Variants in IGF1R observed in about 807,000 individuals in gnomAD.
IGF1R encodes insulin-like growth factor 1 receptor.
A neutral mutation model predicts 144.6 loss-of-function variants in IGF1R; 44 were observed. That is an observed-to-expected ratio of 0.30 (90% CI 0.24 to 0.39). IGF1R has a LOEUF of 0.39. Among genes scored for constraint, IGF1R ranks in the 10% least tolerant of loss-of-function variants. IGF1R has a pLI of 1.00. For missense variants in IGF1R, 1,355 were observed against 1,833.7 expected, an observed-to-expected ratio of 0.74 and a Z score of 4.77; for synonymous variants, 795 against 722.8, an observed-to-expected ratio of 1.10 and a Z score of -1.60.
At chr15:98,922,657 C>T (rs12442093) in intron 11 of IGF1R, among the ~76,000 whole-genome samples, 21,498 of 152,286 alleles carry the variant, frequency 0.14, 1,774 homozygotes, top group Non-Finnish European at 0.19. Context: ...CTCCATAGAA[C>T]GTGCTGGGAG....
chr15:98,711,842 T>G (rs1332062858), intron 2 of IGF1R, among the ~76,000 whole-genome samples: 1 of 152,108 alleles, frequency 6.6e-6, no homozygotes, highest in East Asian at 1.9e-4. Flanking sequence ...CTGCTCACAG[T>G]TCTGGAGGCT....
At chr15:98,747,363 A>G (rs1171561579) in intron 2 of IGF1R, among the ~76,000 whole-genome samples, 5 of 151,768 alleles carry the variant, frequency 3.3e-5, no homozygotes, top group African/African-American at 1.2e-4. Context: ...CACCCAGCTA[A>G]TTTTCTGTAT....
chr15:98,773,825 T>C (rs544807819), intron 2 of IGF1R, among the ~76,000 whole-genome samples: 2 of 152,194 alleles, frequency 1.3e-5, no homozygotes, highest in South Asian at 4.1e-4. Context: ...CCAGTAGGTG[T>C]CTGACGACAT....
chr15:98,840,550 T>C (rs932753401), intron 2 of IGF1R, among the ~76,000 whole-genome samples: 2 of 152,146 alleles, frequency 1.3e-5, no homozygotes, highest in African/African-American at 4.8e-5. Context: ...CCTGGGTTCA[T>C]GCAGTCCTCC....
chr15:98,923,021 CAG>C (rs1012680320), intron 11 of IGF1R, among the ~76,000 whole-genome samples: 7 of 152,156 alleles, frequency 4.6e-5, no homozygotes, highest in African/African-American at 1.7e-4. Context: ...CGGAGGTGAC[CAG>C]AGTCTGGGGT....
intron 2 of IGF1R, among the ~76,000 whole-genome samples, chr15:98,887,527 G>A (rs1026637156): frequency 6.6e-6 from 1 of 152,162 alleles, no homozygotes; most frequent in Non-Finnish European, 1.5e-5. Flanking sequence ...GATTCTGCAA[G>A]TAGATGTTGG....
At chr15:98,709,296 A>G (rs758236800) in intron 2 of IGF1R, among the ~76,000 whole-genome samples, 5 of 152,242 alleles carry the variant, frequency 3.3e-5, no homozygotes, top group Non-Finnish European at 5.9e-5. Flanking sequence ...TTCCCGTTCA[A>G]CCAGTCCTGA....
chr15:98,718,564 C>T (rs2054175372), intron 2 of IGF1R, among the ~76,000 whole-genome samples: 1 of 152,184 alleles, frequency 6.6e-6, no homozygotes, highest in Non-Finnish European at 1.5e-5. Context: ...GCTGCTTGTG[C>T]CCATGGGGCC....
chr15:98,915,826 C>T, intron 8 of IGF1R, 138 bp from the exon 9 acceptor site: 1 of 810,282 alleles, frequency 1.2e-6, no homozygotes, highest in Non-Finnish European at 2.2e-6. Context: ...GTTCACTTTT[C>T]ACTTTGTATT....
intron 18 of IGF1R, among the ~76,000 whole-genome samples, chr15:98,942,301 T>C (rs578105548): frequency 3.0e-4 from 46 of 152,268 alleles, no homozygotes; most frequent in African/African-American, 1.1e-3. Flanking sequence ...TTTTCTTAAA[T>C]TGTGGGACTC....
At chr15:98,787,776 A>T (rs965251039) in intron 2 of IGF1R, among the ~76,000 whole-genome samples, 2 of 152,196 alleles carry the variant, frequency 1.3e-5, no homozygotes, top group African/African-American at 4.8e-5. Context: ...TCCTCAACTC[A>T]GAAGGAAAGA....
At position 98,962,284 on chromosome 15, in the gene IGF1R, C is replaced by T. The variant is rs1045847385; in HGVS notation, c.*4842C>T. 1.7e-5 allele frequency: 4 copies of T among 233,332 alleles called. No homozygotes were observed. Among genetic ancestry groups the T allele is most frequent in the African/African-American group, 6.6e-5 (3 of 45,370 alleles). The allele number at this position is 233,332 out of a possible 1,614,324, so 14.5% of individuals were successfully genotyped here. A position where few individuals can be genotyped will look rare whatever the true frequency, so the allele number is the denominator to read the frequency against. ...CGTGGTATGCCTTGGCCCATTCCAG[C>T]AGTCCCAGTTATGCATTTCAAGTTT... On this transcript the variant is annotated 3_prime_UTR_variant, in exon 21 of 21. Transcript: ENST00000650285.
intron 1 of IGF1R, among the ~76,000 whole-genome samples, chr15:98,662,777 T>A (rs1351899678): frequency 6.6e-6 from 1 of 152,098 alleles, no homozygotes; most frequent in East Asian, 1.9e-4. Flanking sequence ...AATATTTGAC[T>A]CTCAAGATCC....
At chr15:98,764,231 C>T (rs1285051559) in intron 2 of IGF1R, among the ~76,000 whole-genome samples, 2 of 152,108 alleles carry the variant, frequency 1.3e-5, no homozygotes, top group African/African-American at 4.8e-5. Flanking sequence ...AACTTTTCTC[C>T]TTATTAACCA....
chr15:98,813,144 C>T (rs980340577), intron 2 of IGF1R, among the ~76,000 whole-genome samples: 21 of 152,180 alleles, frequency 1.4e-4, no homozygotes, highest in African/African-American at 4.1e-4. Flanking sequence ...TTCCATACTT[C>T]TGATGCTTTG....
chr15:98,912,045 A>C (rs1015722487), intron 7 of IGF1R, among the ~76,000 whole-genome samples: 1 of 152,084 alleles, frequency 6.6e-6, no homozygotes, highest in Non-Finnish European at 1.5e-5. Flanking sequence ...ACATTCCCCC[A>C]TCTAAGCAGC....
At chr15:98,868,720 G>C (rs904698731) in intron 2 of IGF1R, among the ~76,000 whole-genome samples, 1 of 152,092 alleles carries the variant, frequency 6.6e-6, no homozygotes, top group Non-Finnish European at 1.5e-5. Context: ...AGATGGGAAC[G>C]GCAGGCCCTC....
chr15:98,798,979 A>G (rs1363131501), intron 2 of IGF1R, among the ~76,000 whole-genome samples: 1 of 152,188 alleles, frequency 6.6e-6, no homozygotes, highest in African/African-American at 2.4e-5. Flanking sequence ...TAACTTGTCC[A>G]AGATCACACA....
chr15:98,899,879 C>G (rs550730956), intron 5 of IGF1R, among the ~76,000 whole-genome samples: 21 of 152,286 alleles, frequency 1.4e-4, no homozygotes, highest in African/African-American at 5.1e-4. Flanking sequence ...GCGTGTCTGA[C>G]TGTGACCAGT....
Sources: allele counts gnomAD v4.1 joint callset (sites outside exome capture counted in the v4.1 genomes callset), GRCh38; gene constraint gnomAD v4.1.1; transcripts MANE v1.5; gene names NCBI Gene and HGNC (gene_info 2026-07-23, HGNC 2026-07-21).